EYA1: variants seen among roughly 807,000 people sequenced by gnomAD.
EYA1 encodes the protein EYA transcriptional coactivator and phosphatase 1.
EYA1 carries 16 observed loss-of-function variants against 82.0 expected under a neutral mutation model. The observed-to-expected ratio is 0.20, with a 90% CI of 0.13 to 0.30. The LOEUF (loss-of-function observed/expected upper bound fraction) is 0.30, where lower values mean the gene tolerates loss of function less well. EYA1 is among the 10% of genes least tolerant of loss of function. EYA1 has a pLI of 1.00. For missense variants in EYA1, 633 were observed against 730.7 expected, an observed-to-expected ratio of 0.87 and a Z score of 1.54; for synonymous variants, 261 against 264.4, an observed-to-expected ratio of 0.99 and a Z score of 0.12.
intron 2 of EYA1, among the ~76,000 whole-genome samples, chr8:71,470,214 C>T (rs924491317): frequency 1.3e-5 from 2 of 152,046 alleles, no homozygotes; most frequent in Non-Finnish European, 2.9e-5. Flanking sequence ...TATGCAATTG[C>T]TTTCCAGTAG....
intron 2 of EYA1, among the ~76,000 whole-genome samples, chr8:71,460,169 T>G (rs1241209012): frequency 6.6e-6 from 1 of 152,202 alleles, no homozygotes; most frequent in East Asian, 1.9e-4. Flanking sequence ...TGTAAACAAG[T>G]AATTATAATA....
intron 2 of EYA1, among the ~76,000 whole-genome samples, chr8:71,432,123 T>A (rs1314534497): frequency 1.3e-5 from 2 of 152,218 alleles, no homozygotes; most frequent in African/African-American, 2.4e-5. Context: ...TTGTGAACTA[T>A]ACATATTTTG....
chr8:71,298,886 A>G (rs538203744), intron 9 of EYA1, among the ~76,000 whole-genome samples, 161 bp downstream of exon 9: 6 of 152,352 alleles, frequency 3.9e-5, no homozygotes, highest in African/African-American at 1.2e-4. Flanking sequence ...ATAAAAAAAT[A>G]AATAAAAATG....
chr8:71,206,889 G>A (rs1311732126), intron 17 of EYA1, among the ~76,000 whole-genome samples: 1 of 151,740 alleles, frequency 6.6e-6, no homozygotes, highest in Non-Finnish European at 1.5e-5. Flanking sequence ...CTGAGTAGCT[G>A]GGACTACAGG....
At position 71,334,133 on chromosome 8, in the gene EYA1, T is replaced by C. The variant is rs1248918883; in HGVS notation, c.166A>G (p.Thr56Ala). 1.2e-6 allele frequency: 2 copies of C among 1,613,814 alleles called. No homozygotes were observed. Among genetic ancestry groups the C allele is most frequent in the Non-Finnish European group, 1.7e-6 (2 of 1,179,800 alleles). The stretch of plus-strand genomic sequence containing the variant: ...AAATTGTTTAAAGACCCGTCGGCTG[T>C]CGTTGAAGCTGTTTCACTGCTGCTC... ...PMSSSETASTTADGSLNNFSG... is the reference protein window; with the variant it reads ...PMSSSETASTAADGSLNNFSG... Residue 56 changes from threonine (T) to alanine (A), a missense_variant, in exon 4 of 18, where the codon ACA becomes GCA. Physicochemically the swap from Thr to Ala is moderately conservative, Grantham distance 58. Transcript: ENST00000340726.
chr8:71,204,816 A>G (rs1807541376), intron 17 of EYA1, among the ~76,000 whole-genome samples: 1 of 152,166 alleles, frequency 6.6e-6, no homozygotes, highest in African/African-American at 2.4e-5. Flanking sequence ...TTATTATGAA[A>G]CTTATTGTGC....
chr8:71,429,604 A>G (rs2129159084), intron 2 of EYA1, among the ~76,000 whole-genome samples: 1 of 152,240 alleles, frequency 6.6e-6, no homozygotes, highest in East Asian at 1.9e-4. Flanking sequence ...AATGTTACAG[A>G]TAGAAAAACA....
At chr8:71,270,365 C>T (rs1028261645) in intron 10 of EYA1, 1 of 154,128 alleles carries the variant, frequency 6.5e-6, no homozygotes, top group African/African-American at 2.4e-5. Context: ...ACACATTGTT[C>T]TTGCCAGGTT....
chr8:71,423,851 T>C (rs1372994780), intron 2 of EYA1, among the ~76,000 whole-genome samples: 1 of 152,160 alleles, frequency 6.6e-6, no homozygotes, highest in Non-Finnish European at 1.5e-5. Context: ...CCAGAAAATG[T>C]ATAGGCAAGA....
Position 71,407,751 on chromosome 8 carries a change from G to A in EYA1, c.34-51240C>T, listed in dbSNP as rs1830339617. Among the ~76,000 whole-genome samples, 3 of 134,034 alleles carry A rather than the reference G, an allele frequency of 2.2e-5. 1 individual carries two copies. Among genetic ancestry groups the A allele is most frequent in the Admixed American group, 2.2e-4 (3 of 13,422 alleles). 87.9% of individuals were successfully genotyped at this position (134,034 alleles called of 152,430 possible). A position where few individuals can be genotyped will look rare whatever the true frequency, so the allele number is the denominator to read the frequency against. On this transcript the variant is annotated intron_variant, in intron 2 of 18. Transcript: ENST00000643681. Reference sequence around the variant, plus strand: ...AACACCAAATCTACATCTGATTGGTGTACCTGAAAGTGATGCGGAGAATGG... The same window carrying A: ...AACACCAAATCTACATCTGATTGGTATACCTGAAAGTGATGCGGAGAATGG...
chr8:71,521,062 C>CT (rs1238957507), intron 2 of EYA1, among the ~76,000 whole-genome samples: 45 of 151,122 alleles, frequency 3.0e-4, no homozygotes, highest in African/African-American at 1.0e-3. Context: ...TGGGTCACCT[C>CT]TTTTTAAAAA....
chr8:71,250,637 G>A (rs1311914458), intron 11 of EYA1, among the ~76,000 whole-genome samples: 2 of 152,200 alleles, frequency 1.3e-5, no homozygotes, highest in African/African-American at 2.4e-5. Flanking sequence ...CATAGTGGGA[G>A]GCTCTGTTTC....
intron 12 of EYA1, among the ~76,000 whole-genome samples, chr8:71,222,192 T>A (rs1810009464): frequency 6.6e-6 from 1 of 152,154 alleles, no homozygotes; most frequent in Non-Finnish European, 1.5e-5. Context: ...AGAATTGAGG[T>A]TGCTGCAGAC....
Position 71,425,104 on chromosome 8 carries a change from CAAAA to C in EYA1, c.34-68597_34-68594del, listed in dbSNP as rs71264555. Among the ~76,000 whole-genome samples the C allele has an allele frequency of 8.0e-5, 6 of 75,276 alleles. 1 individual carries two copies. The South Asian group carries it at 2.4e-3, about 30-fold the overall frequency. 49.4% of individuals were successfully genotyped at this position (75,276 alleles called of 152,430 possible). On this transcript the variant is annotated intron_variant, in intron 2 of 18. Transcript: ENST00000643681. The stretch of plus-strand genomic sequence containing the variant: ...TGAAACCCTGTCTCCACTAAAAATA[CAAAA>C]AAAAAAAAAAAAAAAAAAAAATCAA...
chr8:71,441,094 CA>C (rs1377776856), intron 2 of EYA1, among the ~76,000 whole-genome samples: 1 of 151,996 alleles, frequency 6.6e-6, no homozygotes. Flanking sequence ...AAGGCAATCC[CA>C]AGGTTTAGGG....
At chr8:71,460,722 C>T (rs1454363941) in intron 2 of EYA1, among the ~76,000 whole-genome samples, 1 of 152,178 alleles carries the variant, frequency 6.6e-6, no homozygotes, top group East Asian at 1.9e-4. Flanking sequence ...TTCTTCTTCC[C>T]TAACGAAAAG....
chr8:71,395,237 A>T (rs1316297761), intron 2 of EYA1, among the ~76,000 whole-genome samples: 2 of 152,222 alleles, frequency 1.3e-5, no homozygotes, highest in Non-Finnish European at 2.9e-5. Flanking sequence ...TTATTTGCAA[A>T]CAGGGACAAT....
chr8:71,307,480 C>G (rs1321762813), intron 7 of EYA1, among the ~76,000 whole-genome samples: 1 of 152,014 alleles, frequency 6.6e-6, no homozygotes, highest in Non-Finnish European at 1.5e-5. Context: ...GGCTGACTGG[C>G]TTCTTTCAAA....
intron 2 of EYA1, among the ~76,000 whole-genome samples, chr8:71,437,896 A>G (rs1806125630): frequency 6.6e-6 from 1 of 152,168 alleles, no homozygotes; most frequent in South Asian, 2.1e-4. Context: ...GCCAAGAGGA[A>G]TATGACATTC....
Sources: gnomAD v4.1 joint callset for allele counts (sites outside exome capture counted in the v4.1 genomes callset) on GRCh38, gnomAD v4.1.1 for gene constraint, MANE v1.5 for transcripts, NCBI Gene and HGNC (gene_info 2026-07-23, HGNC 2026-07-21) for gene names.